The following ZNF536 variants were observed in gnomAD, a reference collection of about 807,000 sequenced individuals.
The protein encoded by ZNF536 is zinc finger protein 536.
ZNF536 carries 13 observed loss-of-function variants against 84.5 expected under a neutral mutation model. The ratio of observed to expected loss-of-function variants is 0.15; its 90% CI spans 0.10 to 0.24. ZNF536 has a LOEUF of 0.24. Ranked by LOEUF, ZNF536 falls within the 10% of genes least tolerant of loss-of-function variation. The pLI is 1.00. For synonymous variants in ZNF536, 811 were observed against 742.5 expected (o/e 1.09, Z -1.50); for missense variants, 1,536 against 1,747.5 (o/e 0.88, Z 2.16).
chr19:30,643,212 C>T (rs80058040), intron 1 of ZNF536, among the ~76,000 whole-genome samples: 28 of 152,302 alleles, frequency 1.8e-4, no homozygotes, highest in East Asian at 1.7e-3. Context: ...CTGTGTCCTC[C>T]ATCCCAGCCT....
intron 3 of ZNF536, among the ~76,000 whole-genome samples, chr19:30,354,598 A>G (rs1044075066): frequency 6.6e-6 from 1 of 152,222 alleles, no homozygotes; most frequent in African/African-American, 2.4e-5. Context: ...ATAAAGAACA[A>G]TTACGTGTTC....
intron 2 of ZNF536, among the ~76,000 whole-genome samples, chr19:30,336,270 C>T (rs73534790): frequency 0.012 from 1,819 of 152,266 alleles, 41 homozygotes; most frequent in African/African-American, 0.042. Flanking sequence ...AGTTGCCCTC[C>T]AGGAAGGCAG....
chr19:30,317,965 G>T (rs991463598), intron 2 of ZNF536, among the ~76,000 whole-genome samples: 3 of 152,134 alleles, frequency 2.0e-5, no homozygotes, highest in Non-Finnish European at 4.4e-5. Flanking sequence ...AAATGCCTAC[G>T]CTGCAGGCTA....
chr19:30,562,187 A>T (rs1449622375), downstream of ZNF536, among the ~76,000 whole-genome samples: 5 of 152,192 alleles, frequency 3.3e-5, no homozygotes, highest in South Asian at 8.3e-4. Context: ...TAGGTCTTAA[A>T]CTCTATAGTC....
At chr19:30,390,528 C>T (rs1457089667) in intron 1 of ZNF536, among the ~76,000 whole-genome samples, 1 of 152,218 alleles carries the variant, frequency 6.6e-6, no homozygotes, top group Admixed American at 6.5e-5. Context: ...TATGCTGGTC[C>T]CCACTTGGCC....
chr19:30,415,444 G>A (rs1453986169), intron 1 of ZNF536, among the ~76,000 whole-genome samples: 1 of 148,076 alleles, frequency 6.8e-6, no homozygotes, highest in Non-Finnish European at 1.5e-5. Context: ...CTTTCTTTCT[G>A]GAGGTTGGAG....
chr19:30,332,479 C>T (rs1408797098), intron 2 of ZNF536, among the ~76,000 whole-genome samples: 1 of 152,162 alleles, frequency 6.6e-6, no homozygotes, highest in East Asian at 1.9e-4. Context: ...GCTCCTCCGT[C>T]AGAACTGCCC....
chr19:30,528,496 C>T (rs2044679555), intron 2 of ZNF536, among the ~76,000 whole-genome samples: 1 of 152,102 alleles, frequency 6.6e-6, no homozygotes, highest in Non-Finnish European at 1.5e-5. Context: ...TCTTCTTAGT[C>T]AATTTCTGAC....
At chr19:30,474,483 T>C (rs2053767478) in intron 2 of ZNF536, among the ~76,000 whole-genome samples, 1 of 152,090 alleles carries the variant, frequency 6.6e-6, no homozygotes, top group Non-Finnish European at 1.5e-5. Context: ...CAGCAGACAT[T>C]TGTGGACCTC....
At chr19:30,601,344 C>T (rs912850102) in intron 1 of ZNF536, among the ~76,000 whole-genome samples, 5 of 152,132 alleles carry the variant, frequency 3.3e-5, no homozygotes, top group South Asian at 2.1e-4. Context: ...GAGCCTGCAT[C>T]GGGGTCACAT....
intron 1 of ZNF536, among the ~76,000 whole-genome samples, chr19:30,232,430 C>CG: frequency 6.6e-6 from 1 of 151,764 alleles, no homozygotes; most frequent in African/African-American, 2.4e-5. Flanking sequence ...CCTTCTGCCC[C>CG]GCCTTTCTCC....
chr19:30,339,081 G>A (rs553016559), intron 2 of ZNF536, among the ~76,000 whole-genome samples: 86 of 152,350 alleles, frequency 5.6e-4, no homozygotes, highest in African/African-American at 2.0e-3. Flanking sequence ...GCTTTTGGCG[G>A]TGGTGCTTAC....
intron 3 of ZNF536, among the ~76,000 whole-genome samples, chr19:30,356,693 C>A (rs1427013884): frequency 6.6e-6 from 1 of 152,186 alleles, no homozygotes; most frequent in African/African-American, 2.4e-5. Flanking sequence ...AGGGAGAAAA[C>A]CAAAATCAGA....
intron 2 of ZNF536, chr19:30,284,192 T>TG (rs1288704328): frequency 1.3e-5 from 2 of 152,310 alleles, no homozygotes; most frequent in African/African-American, 4.8e-5. Context: ...TCTGAGTTTG[T>TG]GGGGAAGTCC....
intron 1 of ZNF536, among the ~76,000 whole-genome samples, chr19:30,441,151 T>C (rs1338522453): frequency 6.6e-6 from 1 of 152,164 alleles, no homozygotes; most frequent in Non-Finnish European, 1.5e-5. Flanking sequence ...TGGCGTCAGC[T>C]CATCAGCAGC....
intron 2 of ZNF536, among the ~76,000 whole-genome samples, chr19:30,465,730 A>AG (rs113787499): frequency 0.42 from 63,556 of 151,530 alleles, 16,357 homozygotes; most frequent in African/African-American, 0.72. Flanking sequence ...ATGTCTATAA[A>AG]AATTATTTTA....
rs2148217331 is a variant in ZNF536 at position 30,445,257 on chromosome 19, G to C, written c.1695G>C (p.Glu565Asp). ...TTCTGTTTGATAAGGAGAAGCGGGA[G>C]TACGTGTTAGTGGGAGCAGATGGCT... ...AGVLFDKEKR[E>D]YVLVGADGSK... The change falls in exon 2 of 5, where the codon GAG becomes GAC. Residue 565 changes from glutamate to aspartate, a missense_variant. Coordinates refer to ENST00000355537, the MANE Select transcript of ZNF536 (RefSeq NM_014717.3). This position sits in a 1 kb window ranked among gnomAD's most constrained non-coding sequence, Gnocchi z 4.5. The C allele has an allele frequency of 6.2e-7, 1 of 1,614,206 alleles. No homozygotes were observed. The highest frequency in any genetic ancestry group is 1.1e-5 in the South Asian group (1 of 91,086).
At chr19:30,392,498 A>G (rs572458465) in intron 1 of ZNF536, among the ~76,000 whole-genome samples, 5 of 152,290 alleles carry the variant, frequency 3.3e-5, no homozygotes, top group African/African-American at 9.6e-5. Flanking sequence ...ATCTGCGGTT[A>G]GCTGGTTACT....
intron 1 of ZNF536, among the ~76,000 whole-genome samples, chr19:30,700,360 TTCC>T (rs928468387): frequency 1.4e-4 from 20 of 141,710 alleles, no homozygotes; most frequent in African/African-American, 5.1e-4. Flanking sequence ...CCTTCCTTCC[TTCC>T]TTCCTCCTTT....
Sources: allele counts gnomAD v4.1 joint callset (sites outside exome capture counted in the v4.1 genomes callset), GRCh38; gene constraint gnomAD v4.1.1; non-coding constraint Gnocchi (gnomAD v3.1); transcripts MANE v1.5; gene names NCBI Gene and HGNC (gene_info 2026-07-23, HGNC 2026-07-21).